Variants in SYNE1 observed in about 807,000 individuals in gnomAD.
The protein encoded by SYNE1 is nesprin-1.
A neutral mutation model predicts 1,111.0 loss-of-function variants in SYNE1; 616 were observed. That is an observed-to-expected ratio of 0.55 (90% confidence interval 0.52 to 0.59). The LOEUF (loss-of-function observed/expected upper bound fraction) is 0.59. Ranked by LOEUF, SYNE1 falls within the 20% of genes least tolerant of loss-of-function variation. The pLI is 0.00. For missense variants in SYNE1, 10,006 were observed against 10,417.0 expected, an observed-to-expected ratio of 0.96 and a Z score of 1.72; for synonymous variants, 3,855 against 3,825.8, an observed-to-expected ratio of 1.01 and a Z score of -0.28.
At chr6:152,383,053 A>G (rs1449840274) in intron 55 of SYNE1, among the ~76,000 whole-genome samples, 6 of 152,262 alleles carry the variant, frequency 3.9e-5, no homozygotes, top group African/African-American at 1.4e-4. Flanking sequence ...GTGTTGAAGG[A>G]CAGAGGAGGT....
Position 152,239,087 on chromosome 6 carries a change from C to T in SYNE1, c.20067+446G>A, listed in dbSNP as rs540623727. Among the ~76,000 whole-genome samples, 18 of 151,846 alleles carry T rather than the reference C, an allele frequency of 1.2e-4. No homozygotes were observed. In the South Asian group the frequency reaches 2.5e-3, roughly 21 times the overall value. ...TAATTTTTTGTATTTTTAGTAGAGA[C>T]GGGGTTTCAACATGTTGGTTTGTTT... On this transcript the variant is annotated intron_variant, in intron 108 of 145. Coordinates refer to ENST00000367255, the MANE Select transcript of SYNE1 (RefSeq NM_182961.4).
intron 14 of SYNE1, among the ~76,000 whole-genome samples, chr6:152,477,160 G>C (rs904827228): frequency 6.6e-6 from 1 of 152,046 alleles, no homozygotes; most frequent in Non-Finnish European, 1.5e-5. Flanking sequence ...TGAATATGGG[G>C]AGACAACAGT....
At chr6:152,519,966 A>G (rs750002118) in intron 6 of SYNE1, among the ~76,000 whole-genome samples, 55 of 152,170 alleles carry the variant, frequency 3.6e-4, no homozygotes, top group Admixed American at 7.2e-4. Context: ...ACGAGAAAAT[A>G]TCATACAAAC....
intron 14 of SYNE1, among the ~76,000 whole-genome samples, chr6:152,475,175 A>T (rs1397317145): frequency 6.6e-6 from 1 of 152,314 alleles, no homozygotes; most frequent in African/African-American, 2.4e-5. Context: ...ACTAAGAGAA[A>T]TCTGATATAA....
chr6:152,459,040 G>A (rs2098714934), intron 21 of SYNE1, 110 bp from the exon 22 acceptor site: 1 of 945,622 alleles, frequency 1.1e-6, no homozygotes, highest in East Asian at 2.6e-5. Context: ...ATCATTTGGT[G>A]CTTACAAATA....
At position 152,294,486 on chromosome 6, in the gene SYNE1, A is replaced by C. The variant is rs148770540; in HGVS notation, c.17683-359T>G. ...CAAAAAAAGAGAATCTTAATGATCT[A>C]GTTCCTAAAATGTTGTCGAATGTAT... On this transcript the variant is annotated intron_variant, in intron 93 of 145. Coordinates refer to ENST00000367255, the MANE Select transcript of SYNE1 (RefSeq NM_182961.4). Among the ~76,000 whole-genome samples the C allele has an allele frequency of 3.4e-3, 514 of 152,342 alleles. 1 individual carries two copies. The highest frequency in any genetic ancestry group is 5.6e-3 in the Non-Finnish European group (378 of 68,030).
intron 11 of SYNE1, among the ~76,000 whole-genome samples, chr6:152,492,470 C>T (rs950207281): frequency 3.3e-5 from 5 of 152,220 alleles, no homozygotes; most frequent in African/African-American, 1.2e-4. Context: ...GACCTTCTCC[C>T]CCAGGATCTT....
chr6:152,202,616 A>AAGCACAAT (rs1342213964), intron 126 of SYNE1, among the ~76,000 whole-genome samples: 22 of 152,286 alleles, frequency 1.4e-4, no homozygotes. Context: ...TCAAGGCATC[A>AAGCACAAT]AGCACAATGA....
At chr6:152,630,476 T>C (rs2099696198) in intron 2 of SYNE1, among the ~76,000 whole-genome samples, 1 of 152,186 alleles carries the variant, frequency 6.6e-6, no homozygotes, top group Non-Finnish European at 1.5e-5. Context: ...TAGCAGCCTG[T>C]ATATCCTGGG....
intron 52 of SYNE1, 137 bp from the exon 53 acceptor site, chr6:152,390,589 T>G: frequency 2.3e-5 from 18 of 795,890 alleles, no homozygotes; most frequent in Non-Finnish European, 3.2e-5. Flanking sequence ...CTCTGGGCCC[T>G]ATTGCAATAT....
At chr6:152,201,690 G>T in intron 127 of SYNE1, 134 bp downstream of exon 127, 1 of 1,298,412 alleles carries the variant, frequency 7.7e-7, no homozygotes, top group Non-Finnish European at 1.1e-6. Context: ...CACCTGAGTT[G>T]CCTGTCCTTA....
chr6:152,290,888 C>A (rs975166750), intron 95 of SYNE1, among the ~76,000 whole-genome samples: 9 of 152,064 alleles, frequency 5.9e-5, no homozygotes, highest in Admixed American at 3.9e-4. Flanking sequence ...ATACCACCAG[C>A]TTTTCATGTG....
chr6:152,449,575 G>T lies in SYNE1; in HGVS notation c.3462C>A (p.Ala1154=). 6.2e-7 allele frequency: 1 copy of T among 1,613,914 alleles called. No homozygotes were observed. Among genetic ancestry groups the T allele is most frequent in the Non-Finnish European group, 8.5e-7 (1 of 1,179,964 alleles). ...ETQLKGIKGE[A]IDTANHGEVK... is the part of the protein sequence containing the mutation. The stretch of plus-strand genomic sequence containing the variant: ...CCTCTCCGTGGTTGGCAGTATCGAT[G>T]GCCTCACCCTTGATCCCCTTTAATT... Residue 1154 remains alanine (A), a synonymous_variant, in exon 28 of 146, where the codon GCC becomes GCA. Coordinates refer to ENST00000367255, the MANE Select transcript of SYNE1 (RefSeq NM_182961.4).
chr6:152,244,899 G>T (rs1464591004), intron 105 of SYNE1, among the ~76,000 whole-genome samples: 1 of 152,098 alleles, frequency 6.6e-6, no homozygotes, highest in Admixed American at 6.6e-5. Context: ...AGAAAGTCAG[G>T]GTAGAGGGCT....
At chr6:152,631,869 C>A (rs1251807817) in intron 2 of SYNE1, among the ~76,000 whole-genome samples, 4 of 152,172 alleles carry the variant, frequency 2.6e-5, no homozygotes, top group Admixed American at 6.5e-5. Flanking sequence ...ACACTCTCCC[C>A]TTCATGCTTC....
intron 14 of SYNE1, among the ~76,000 whole-genome samples, chr6:152,476,465 T>C (rs541719159): frequency 2.0e-5 from 3 of 152,272 alleles, no homozygotes; most frequent in Admixed American, 2.0e-4. Flanking sequence ...ACTTCCCTTG[T>C]TCAAAGCACT....
intron 117 of SYNE1, 121 bp from the exon 118 acceptor site, chr6:152,221,680 A>T: frequency 8.0e-7 from 1 of 1,245,038 alleles, no homozygotes; most frequent in Non-Finnish European, 1.1e-6. Context: ...ACCAGGCATG[A>T]CTTAGCACCA....
At position 152,398,467 on chromosome 6, in the gene SYNE1, G is replaced by A. The variant is rs488673; in HGVS notation, c.7350+152C>T. The stretch of plus-strand genomic sequence containing the variant: ...TGTTTCTCAACATACTTATCATGTT[G>A]TCTATTTCCTTCTGACTCAATCAGC... On this transcript the variant is annotated intron_variant, in intron 49 of 145. Transcript: ENST00000367255. The A allele has an allele frequency of 0.41, 282,285 of 696,876 alleles. 61,091 individuals carry two copies. The highest frequency in any genetic ancestry group is 0.77 in the East Asian group (28,031 of 36,274). 43.2% of individuals were successfully genotyped at this position (696,876 alleles called of 1,614,324 possible). A position where few individuals can be genotyped will look rare whatever the true frequency, so the allele number is the denominator to read the frequency against.
chr6:152,445,554 T>C (rs988289271), intron 29 of SYNE1, among the ~76,000 whole-genome samples: 2 of 152,094 alleles, frequency 1.3e-5, no homozygotes, highest in African/African-American at 4.8e-5. Context: ...ATCTTTTTTC[T>C]TTGACTCTCT....
Sources: gnomAD v4.1 joint callset for allele counts (sites outside exome capture counted in the v4.1 genomes callset) on GRCh38, gnomAD v4.1.1 for gene constraint, MANE v1.5 for transcripts, NCBI Gene and HGNC (gene_info 2026-07-23, HGNC 2026-07-21) for gene names.